Variants in DNAI1 observed in about 807,000 individuals in gnomAD.
DNAI1 encodes dynein, axonemal, intermediate polypeptide 1.
DNAI1 carries 67 observed loss-of-function variants against 92.0 expected under a neutral mutation model. The ratio of observed to expected loss-of-function variants is 0.73; its 90% CI spans 0.60 to 0.89. The LOEUF (loss-of-function observed/expected upper bound fraction) is 0.89, where lower values mean the gene tolerates loss of function less well. DNAI1 is among the 40% of genes least tolerant of loss of function. The pLI is 0.00. For missense variants in DNAI1, 839 were observed against 866.6 expected, an observed-to-expected ratio of 0.97 and a Z score of 0.40; for synonymous variants, 323 against 319.6, an observed-to-expected ratio of 1.01 and a Z score of -0.11.
chr9:34,484,393 A>G (rs1045839991), intron 2 of DNAI1, among the ~76,000 whole-genome samples: 1 of 152,172 alleles, frequency 6.6e-6, no homozygotes, highest in African/African-American at 2.4e-5. Flanking sequence ...TTTCCAATTG[A>G]TTTTTAGAAA....
intron 1 of DNAI1, among the ~76,000 whole-genome samples, chr9:34,475,709 A>AT (rs1190902268): frequency 2.0e-5 from 3 of 152,186 alleles, no homozygotes; most frequent in Non-Finnish European, 4.4e-5. Flanking sequence ...AAAGAAGACA[A>AT]TTAACTTGCC....
chr9:34,478,929 T>C (rs2132051128), intron 1 of DNAI1: 1 of 152,308 alleles, frequency 6.6e-6, no homozygotes, highest in Non-Finnish European at 1.5e-5. Context: ...GTACTTGTGA[T>C]GGAAGGTGGA....
intron 1 of DNAI1, among the ~76,000 whole-genome samples, chr9:34,471,447 CAA>C (rs72230032): frequency 3.9e-4 from 33 of 83,932 alleles, no homozygotes; most frequent in East Asian, 1.7e-3. Flanking sequence ...ACCACCACCA[CAA>C]AAAAAAAAAA....
chr9:34,493,161 T>G, intron 8 of DNAI1, 33 bp from the exon 9 acceptor site: 1 of 1,614,170 alleles, frequency 6.2e-7, no homozygotes, highest in Non-Finnish European at 8.5e-7. Flanking sequence ...GATTGCACCT[T>G]ACAATGATCC....
At chr9:34,467,515 C>T (rs773552244) in intron 1 of DNAI1, among the ~76,000 whole-genome samples, 4 of 151,948 alleles carry the variant, frequency 2.6e-5, no homozygotes, top group Non-Finnish European at 4.4e-5. Context: ...CACCTGTAGT[C>T]CCAGCTACTC....
intron 5 of DNAI1, 26 bp from the exon 6 acceptor site, chr9:34,489,986 G>A: frequency 6.2e-7 from 1 of 1,612,826 alleles, no homozygotes; most frequent in Non-Finnish European, 8.5e-7. Context: ...CTTAGACTTT[G>A]AACTCATTGG....
intron 1 of DNAI1, among the ~76,000 whole-genome samples, chr9:34,461,105 G>A (rs527588579): frequency 2.6e-5 from 4 of 152,238 alleles, no homozygotes; most frequent in African/African-American, 9.6e-5. Flanking sequence ...GCCTCCCAAA[G>A]TGCTGGGATT....
At chr9:34,483,939 G>A (rs995732146) in intron 2 of DNAI1, among the ~76,000 whole-genome samples, 4 of 152,016 alleles carry the variant, frequency 2.6e-5, no homozygotes, top group Admixed American at 2.6e-4. Flanking sequence ...TTTTTGGCTG[G>A]GTGTGGTGGC....
At position 34,490,459 on chromosome 9, in the gene DNAI1, G is replaced by A; in HGVS notation, c.592G>A (p.Ala198Thr). 6.2e-7 allele frequency: 1 copy of A among 1,614,140 alleles called. No individual in the cohort carries two copies. Among genetic ancestry groups the A allele is most frequent in the Non-Finnish European group, 8.5e-7 (1 of 1,180,026 alleles). ...LTNQFNFSER[A>T]SQTYNNPVRD... ...TAACCAGTTCAACTTCAGTGAGAGG[G>A]CCTCACAGACCTACAACAACCCTGT... The change falls in exon 7 of 20, where the codon GCC becomes ACC. Residue 198 changes from alanine (A) to threonine (T), a missense_variant. Ala to Thr is a moderately conservative substitution (Grantham distance 58). Transcript: ENST00000242317.
chr9:34,463,831 A>T (rs1823991252), intron 1 of DNAI1, among the ~76,000 whole-genome samples: 1 of 152,176 alleles, frequency 6.6e-6, no homozygotes, highest in South Asian at 2.1e-4. Flanking sequence ...GGTAGGAGTG[A>T]GTGGGCAGGG....
intron 12 of DNAI1, 49 bp downstream of exon 12, chr9:34,501,230 T>A: frequency 7.1e-7 from 1 of 1,399,948 alleles, no homozygotes; most frequent in Non-Finnish European, 1.0e-6. Context: ...CAGCAAACAC[T>A]AAGTACCTAC....
intron 12 of DNAI1, among the ~76,000 whole-genome samples, chr9:34,505,881 G>A (rs919328701): frequency 6.6e-6 from 1 of 152,252 alleles, no homozygotes; most frequent in Non-Finnish European, 1.5e-5. Context: ...AGCTGGTGGC[G>A]GAAGGGCTGG....
chr9:34,492,757 A>G (rs1824634863), intron 8 of DNAI1, among the ~76,000 whole-genome samples: 1 of 151,628 alleles, frequency 6.6e-6, no homozygotes, highest in African/African-American at 2.4e-5. Context: ...CTGGGCTCAA[A>G]CAATCCACCT....
At position 34,501,838 on chromosome 9, in the gene DNAI1, C is replaced by G. The variant is rs573442640; in HGVS notation, c.1063+657C>G. Among the ~76,000 whole-genome samples, 4 of 152,288 alleles carry G rather than the reference C, an allele frequency of 2.6e-5. No individual in the cohort carries two copies. In the South Asian group the frequency reaches 8.3e-4, roughly 32 times the overall value. ...CACTGCTATCCAGAGTGTGCCCGCC[C>G]CTGCCAGTTACCCACCCAAGGCAGG... is the stretch of plus-strand genomic sequence containing the variant. On this transcript the variant is annotated intron_variant, in intron 12 of 19. Coordinates refer to ENST00000242317, the MANE Select transcript of DNAI1 (RefSeq NM_012144.4).
At position 34,497,173 on chromosome 9, in the gene DNAI1, A is replaced by G. The variant is rs1451845108; in HGVS notation, c.875A>G (p.Gln292Arg). The G allele has an allele frequency of 2.5e-6, 4 of 1,613,976 alleles. No homozygotes were observed. The highest frequency in any genetic ancestry group is 3.4e-6 in the Non-Finnish European group (4 of 1,179,910). The change falls in exon 10 of 20, where the codon CAG becomes CGG. Residue 292 changes from glutamine to arginine, a missense_variant. Coordinates refer to ENST00000242317, the MANE Select transcript of DNAI1 (RefSeq NM_012144.4). ...AAGATCATGGAGCGGATGGTCAACC[A>G]GAATACATATGATGACATTGCTCAA... The part of the protein sequence containing the change: ...AAKIMERMVN[Q>R]NTYDDIAQDF...
At chr9:34,519,753 G>A (rs1825232847) in intron 19 of DNAI1, among the ~76,000 whole-genome samples, 1 of 152,190 alleles carries the variant, frequency 6.6e-6, no homozygotes, top group African/African-American at 2.4e-5. Context: ...GCTGGGGTAG[G>A]TGTCAGTGAG....
rs143119332 is a variant in DNAI1 at position 34,472,279 on chromosome 9, C to T, written c.49-11169C>T. On this transcript the variant is annotated intron_variant, in intron 1 of 19. Coordinates refer to ENST00000242317, the MANE Select transcript of DNAI1 (RefSeq NM_012144.4). ...AATATTTTTCTCCCCCTTACAGATG[C>T]AGAAATGAAGTTTAGGGACTAAACG... Among the ~76,000 whole-genome samples the T allele has an allele frequency of 2.1e-3, 327 of 152,300 alleles. 2 individuals are homozygous for T. The highest frequency in any genetic ancestry group is 7.1e-3 in the African/African-American group (295 of 41,566).
intron 9 of DNAI1, 94 bp from the exon 10 acceptor site, chr9:34,497,021 A>G: frequency 1.1e-6 from 1 of 935,086 alleles, no homozygotes. Context: ...CCAGAGAGCT[A>G]CTGCTGAATC....
intron 18 of DNAI1, among the ~76,000 whole-genome samples, chr9:34,515,638 T>C (rs138352754): frequency 6.6e-6 from 1 of 152,334 alleles, no homozygotes; most frequent in East Asian, 1.9e-4. Context: ...CCTTGGGGAT[T>C]ATGTCAGCAA....
Sources: allele counts gnomAD v4.1 joint callset (sites outside exome capture counted in the v4.1 genomes callset), GRCh38; gene constraint gnomAD v4.1.1; transcripts MANE v1.5; gene names NCBI Gene and HGNC (gene_info 2026-07-23, HGNC 2026-07-21).